APBB2: variants seen among roughly 807,000 people sequenced by gnomAD.
APBB2 encodes the protein amyloid beta precursor protein binding family B member 2.
In APBB2, 38 loss-of-function variants were observed where a neutral mutation model predicts 82.5. The ratio of observed to expected loss-of-function variants is 0.46; its 90% CI spans 0.36 to 0.60. The LOEUF is 0.60. Among genes scored for constraint, APBB2 ranks in the 20% least tolerant of loss-of-function variants. The pLI, the probability that APBB2 is intolerant of heterozygous loss-of-function variation, is 0.00. For missense variants in APBB2, 772 were observed against 972.3 expected (o/e 0.79, Z 2.74); for synonymous variants, 341 against 368.2 (o/e 0.93, Z 0.85).
intron 10 of APBB2, among the ~76,000 whole-genome samples, chr4:40,905,342 T>C (rs1776428966): frequency 6.6e-6 from 1 of 152,052 alleles, no homozygotes; most frequent in African/African-American, 2.4e-5. Context: ...CACGCAATCA[T>C]ACAAAATAAA....
rs751934348 is a variant in APBB2, at chr4:40,890,495, G to A, written c.1402-4C>T. 6.2e-7 allele frequency: 1 copy of A among 1,613,600 alleles called. No individual in the cohort carries two copies. The highest frequency in any genetic ancestry group is 8.5e-7 in the Non-Finnish European group (1 of 1,179,868). On this transcript the variant is annotated splice_polypyrimidine_tract_variant and splice_region_variant and intron_variant, in intron 11 of 17. Transcript: ENST00000508593. ...GGATCAGGTACATGTCTTTCCCCTG[G>A]GACACAACGAGAAAACACGCTGTCT...
intron 2 of APBB2, among the ~76,000 whole-genome samples, chr4:41,124,740 A>C (rs1753899614): frequency 6.6e-6 from 1 of 152,228 alleles, no homozygotes; most frequent in South Asian, 2.1e-4. Context: ...ATTGGCTGGA[A>C]AAATAGTTTA....
At chr4:40,958,104 G>A (rs1249217806) in intron 6 of APBB2, among the ~76,000 whole-genome samples, 2 of 152,028 alleles carry the variant, frequency 1.3e-5, no homozygotes, top group East Asian at 3.9e-4. Context: ...CCATCCATCG[G>A]TCCATCCATC....
chr4:41,075,219 C>T (rs985702730), intron 3 of APBB2, among the ~76,000 whole-genome samples: 1 of 152,134 alleles, frequency 6.6e-6, no homozygotes, highest in Non-Finnish European at 1.5e-5. Context: ...GAATTGATTG[C>T]CCTTTGACTT....
At chr4:40,835,917 A>C (rs892579896) in intron 12 of APBB2, among the ~76,000 whole-genome samples, 1 of 152,208 alleles carries the variant, frequency 6.6e-6, no homozygotes, top group Non-Finnish European at 1.5e-5. Flanking sequence ...GAGGCGATTA[A>C]GAATAACTCT....
At chr4:40,949,507 G>T (rs1386092103) in intron 6 of APBB2, among the ~76,000 whole-genome samples, 1 of 152,118 alleles carries the variant, frequency 6.6e-6, no homozygotes, top group African/African-American at 2.4e-5. Flanking sequence ...CCAAGCAGCT[G>T]CTTCTGTAAA....
chr4:41,021,032 T>A (rs1811337930), intron 5 of APBB2, among the ~76,000 whole-genome samples: 1 of 152,202 alleles, frequency 6.6e-6, no homozygotes, highest in South Asian at 2.1e-4. Flanking sequence ...CCTTTCTAAG[T>A]CCCATGACAG....
In APBB2 at chr4:41,054,937, A is replaced by G. The variant is rs139743560; in HGVS notation, c.-51+10639T>C. On this transcript the variant is annotated intron_variant, in intron 4 of 17. Transcript: ENST00000508593. ...CAGGCACATCCATTTAGCACCCTAGATGCCCTGCACCTACTGAACCTTCAG... is the reference window on the plus strand; with the variant it reads ...CAGGCACATCCATTTAGCACCCTAGGTGCCCTGCACCTACTGAACCTTCAG... Among the ~76,000 whole-genome samples, 433 of 152,140 alleles carry G rather than the reference A, an allele frequency of 2.8e-3. 2 individuals carry two copies. The highest frequency in any genetic ancestry group is 0.01 in the African/African-American group (419 of 41,504).
intron 3 of APBB2, among the ~76,000 whole-genome samples, chr4:41,088,998 G>A (rs75705501): frequency 0.071 from 10,838 of 152,232 alleles, 537 homozygotes; most frequent in Non-Finnish European, 0.1. Context: ...TCAGAGAAAG[G>A]GGCATTAATT....
At chr4:41,033,552 T>C (rs1408405068) in intron 4 of APBB2, among the ~76,000 whole-genome samples, 1 of 151,076 alleles carries the variant, frequency 6.6e-6, no homozygotes, top group Non-Finnish European at 1.5e-5. Context: ...CTTACCTACC[T>C]TTCTGTCTCA....
intron 10 of APBB2, among the ~76,000 whole-genome samples, chr4:40,910,121 ATTTTTTTTT>A (rs34289899): frequency 4.2e-5 from 6 of 142,784 alleles, no homozygotes; most frequent in African/African-American, 7.7e-5. Context: ...TGCCTGGCTA[ATTTTTTTTT>A]TTTTTTTTTG....
intron 12 of APBB2, among the ~76,000 whole-genome samples, chr4:40,831,163 C>A (rs1416161861): frequency 6.6e-6 from 1 of 151,830 alleles, no homozygotes; most frequent in African/African-American, 2.4e-5. Flanking sequence ...ACTGGGAGGC[C>A]GAGGTGGGCG....
At chr4:40,912,748 C>A (rs1042343260) in intron 10 of APBB2, among the ~76,000 whole-genome samples, 2 of 152,066 alleles carry the variant, frequency 1.3e-5, no homozygotes, top group Admixed American at 6.5e-5. Context: ...GAGTGTGTGG[C>A]AGTAAACATG....
chr4:41,085,366 A>G (rs545237584), intron 3 of APBB2, among the ~76,000 whole-genome samples: 1 of 152,182 alleles, frequency 6.6e-6, no homozygotes, highest in South Asian at 2.1e-4. Flanking sequence ...GTATAGAGAG[A>G]TAATGAATCT....
intron 1 of APBB2, among the ~76,000 whole-genome samples, chr4:41,174,183 C>A (rs1203871688): frequency 6.6e-6 from 1 of 152,128 alleles, no homozygotes; most frequent in Non-Finnish European, 1.5e-5. Context: ...AGGCAAAGGA[C>A]AAAAGAATCA....
intron 4 of APBB2, among the ~76,000 whole-genome samples, chr4:41,043,048 T>G (rs1321002041): frequency 1.3e-5 from 2 of 152,206 alleles, no homozygotes; most frequent in African/African-American, 4.8e-5. Context: ...TTGAGGTTTA[T>G]GTTCTCCCTA....
chr4:40,967,920 GC>G (rs1462711663), intron 6 of APBB2, among the ~76,000 whole-genome samples: 1 of 152,168 alleles, frequency 6.6e-6, no homozygotes, highest in Non-Finnish European at 1.5e-5. Flanking sequence ...GGAAGGGAGG[GC>G]TTTTAGAGGG....
At chr4:41,138,681 T>C (rs1418037230) in intron 2 of APBB2, among the ~76,000 whole-genome samples, 2 of 152,308 alleles carry the variant, frequency 1.3e-5, no homozygotes, top group African/African-American at 2.4e-5. Flanking sequence ...AACAGAATGA[T>C]TTCACTAGAA....
At chr4:41,170,942 T>G (rs1056562914) in intron 1 of APBB2, among the ~76,000 whole-genome samples, 2 of 152,224 alleles carry the variant, frequency 1.3e-5, no homozygotes, top group Non-Finnish European at 2.9e-5. Flanking sequence ...AAAGGAGGCC[T>G]AAATAACTTG....
Sources: gnomAD v4.1 joint callset for allele counts (sites outside exome capture counted in the v4.1 genomes callset) on GRCh38, gnomAD v4.1.1 for gene constraint, MANE v1.5 for transcripts, NCBI Gene and HGNC (gene_info 2026-07-23, HGNC 2026-07-21) for gene names.